ROBO2: variants seen among roughly 807,000 people sequenced by gnomAD.
The protein encoded by ROBO2 is roundabout guidance receptor 2.
A neutral mutation model predicts 160.8 loss-of-function variants in ROBO2; 53 were observed. The observed-to-expected ratio is 0.33, with a 90% CI of 0.26 to 0.41. The LOEUF (loss-of-function observed/expected upper bound fraction) is 0.41, where lower values mean the gene tolerates loss of function less well. Ranked by LOEUF, ROBO2 falls within the 10% of genes least tolerant of loss-of-function variation. The pLI, the probability that ROBO2 is intolerant of heterozygous loss-of-function variation, is 1.00. For missense variants in ROBO2, 1,577 were observed against 1,722.4 expected, an observed-to-expected ratio of 0.92 and a Z score of 1.49; for synonymous variants, 664 against 611.7, an observed-to-expected ratio of 1.09 and a Z score of -1.26.
chr3:76,499,081 T>A (rs750639171), intron 2 of ROBO2, among the ~76,000 whole-genome samples: 5 of 152,178 alleles, frequency 3.3e-5, no homozygotes, highest in Non-Finnish European at 5.9e-5. Context: ...ACCTAGTCTT[T>A]ACCTTACTCC....
chr3:77,373,047 T>C (rs1328828791), intron 2 of ROBO2, among the ~76,000 whole-genome samples: 1 of 147,926 alleles, frequency 6.8e-6, no homozygotes, highest in African/African-American at 2.4e-5. Flanking sequence ...AATTATATAA[T>C]AAAATAAATT....
chr3:76,499,657 T>C (rs1356486442), intron 2 of ROBO2, among the ~76,000 whole-genome samples: 2 of 152,230 alleles, frequency 1.3e-5, no homozygotes, highest in Non-Finnish European at 2.9e-5. Context: ...TACAGGTAAC[T>C]ATTCGACCAA....
At chr3:75,968,196 T>C (rs1170599321) in intron 2 of ROBO2, among the ~76,000 whole-genome samples, 2 of 151,514 alleles carry the variant, frequency 1.3e-5, no homozygotes, top group East Asian at 2.0e-4. Flanking sequence ...AAAAATAATA[T>C]ATTTACACCA....
At chr3:76,458,909 GTGGGAATTC>G in intron 2 of ROBO2, among the ~76,000 whole-genome samples, 1 of 152,278 alleles carries the variant, frequency 6.6e-6, no homozygotes, top group South Asian at 2.1e-4. Context: ...CTCACAGCAT[GTGGGAATTC>G]TGGGAGATAC....
intron 2 of ROBO2, among the ~76,000 whole-genome samples, chr3:76,668,948 A>G (rs2092158539): frequency 1.3e-5 from 2 of 152,182 alleles, no homozygotes; most frequent in Non-Finnish European, 1.5e-5. Context: ...AAAATCTGCC[A>G]TGAAAAATAG....
At chr3:77,101,009 G>T (rs2071841709) in intron 2 of ROBO2, among the ~76,000 whole-genome samples, 1 of 152,170 alleles carries the variant, frequency 6.6e-6, no homozygotes, top group Admixed American at 6.5e-5. Flanking sequence ...ATGAGGTTGA[G>T]AGCAGAGTAA....
intron 2 of ROBO2, among the ~76,000 whole-genome samples, chr3:76,939,799 A>AATC (rs1577663205): frequency 6.6e-6 from 1 of 151,666 alleles, no homozygotes; most frequent in African/African-American, 2.4e-5. Context: ...ATAAGTAAAT[A>AATC]AATCAATCAA....
intron 2 of ROBO2, among the ~76,000 whole-genome samples, chr3:76,870,934 G>A (rs937589142): frequency 2.0e-5 from 3 of 152,136 alleles, no homozygotes; most frequent in Non-Finnish European, 4.4e-5. Context: ...GAATTTTGCA[G>A]AGTAGAAACA....
intron 2 of ROBO2, among the ~76,000 whole-genome samples, chr3:76,463,853 C>T (rs951489175): frequency 1.3e-5 from 2 of 152,152 alleles, no homozygotes; most frequent in African/African-American, 4.8e-5. Flanking sequence ...TTTGCCATGT[C>T]CCACAGAGCA....
intron 2 of ROBO2, among the ~76,000 whole-genome samples, chr3:76,825,993 A>AT (rs899930615): frequency 4.1e-4 from 59 of 145,194 alleles, no homozygotes; most frequent in Admixed American, 6.9e-4. Context: ...TGTTGACGAG[A>AT]TTTTTTTTTT....
rs142189051 is a variant in ROBO2, at chr3:76,187,028, C to G, written c.109+249426C>G. Among the ~76,000 whole-genome samples the G allele has an allele frequency of 3.8e-3, 575 of 151,040 alleles. 5 individuals carry two copies. Among genetic ancestry groups the G allele is most frequent in the African/African-American group, 0.013 (545 of 41,110 alleles). On this transcript the variant is annotated intron_variant, in intron 2 of 26. Coordinates refer to the ROBO2 transcript ENST00000487694. The stretch of plus-strand genomic sequence containing the variant: ...TTTGGCTTCTTCTACCCTATGCCAT[C>G]CATAAATATTAGAATTTTTTGAAAC...
chr3:76,149,090 T>TG (rs2072038925), intron 2 of ROBO2, among the ~76,000 whole-genome samples: 1 of 151,940 alleles, frequency 6.6e-6, no homozygotes, highest in Non-Finnish European at 1.5e-5. Flanking sequence ...CAGTTTTTTT[T>TG]TGTGTGTGTG....
intron 2 of ROBO2, among the ~76,000 whole-genome samples, chr3:77,146,227 A>T (rs1322884143): frequency 6.6e-6 from 1 of 152,080 alleles, no homozygotes; most frequent in Non-Finnish European, 1.5e-5. Flanking sequence ...TGCTCCCAGC[A>T]CCTGTTTGCT....
At chr3:76,001,946 A>T (rs1269761531) in intron 2 of ROBO2, among the ~76,000 whole-genome samples, 2 of 152,248 alleles carry the variant, frequency 1.3e-5, no homozygotes, top group Non-Finnish European at 2.9e-5. Flanking sequence ...AGAGTTTAAA[A>T]TCATAGATTG....
rs548213541 is a variant in ROBO2, at chr3:76,095,498, A to C, written c.109+157896A>C. 2.0e-5 allele frequency among the ~76,000 whole-genome samples: 3 copies of C among 152,264 alleles called. No homozygotes were observed. The East Asian group carries it at 5.8e-4, about 29-fold the overall frequency. On this transcript the variant is annotated intron_variant, in intron 2 of 26. Transcript: ENST00000487694. ...TAGGTTGGGCTGACCACTAGTTATA[A>C]ATAACATTATATCAATTGATATAAT...
chr3:77,293,578 C>T (rs550391917), intron 2 of ROBO2, among the ~76,000 whole-genome samples: 30 of 143,606 alleles, frequency 2.1e-4, no homozygotes, highest in South Asian at 4.3e-4. Flanking sequence ...GACGGGTAAA[C>T]GGGTAAGCTG....
At chr3:76,474,021 T>C (rs996186334) in intron 2 of ROBO2, among the ~76,000 whole-genome samples, 1 of 152,152 alleles carries the variant, frequency 6.6e-6, no homozygotes, top group Non-Finnish European at 1.5e-5. Context: ...AGATGTTTAA[T>C]TGATAATTGA....
chr3:77,289,068 G>C (rs944376479), intron 2 of ROBO2, among the ~76,000 whole-genome samples: 1 of 152,110 alleles, frequency 6.6e-6, no homozygotes, highest in Non-Finnish European at 1.5e-5. Flanking sequence ...GGAATACTAT[G>C]ATTAACAAAA....
intron 2 of ROBO2, among the ~76,000 whole-genome samples, chr3:77,347,259 A>C (rs1167083099): frequency 6.6e-6 from 1 of 152,152 alleles, no homozygotes; most frequent in Non-Finnish European, 1.5e-5. Context: ...ATTTATTCAA[A>C]GGTTCATAAA....
Sources: allele counts gnomAD v4.1 joint callset (sites outside exome capture counted in the v4.1 genomes callset), GRCh38; gene constraint gnomAD v4.1.1; transcripts MANE v1.5; gene names NCBI Gene and HGNC (gene_info 2026-07-23, HGNC 2026-07-21).